ALDH3A2: variants seen among roughly 807,000 people sequenced by gnomAD.
ALDH3A2 encodes aldehyde dehydrogenase family 3 member A2.
Under a neutral mutation model 51.3 loss-of-function variants are expected in ALDH3A2, and 36 were observed. The observed-to-expected ratio is 0.70, with a 90% CI of 0.54 to 0.93. The LOEUF (loss-of-function observed/expected upper bound fraction) is 0.93. Ranked by LOEUF, ALDH3A2 falls within the 40% of genes least tolerant of loss-of-function variation. The probability of loss-of-function intolerance (pLI) is 0.00; values close to 1 mark genes in which losing one functional copy is unlikely to be tolerated. For missense variants in ALDH3A2, 552 were observed against 603.1 expected, an observed-to-expected ratio of 0.92 and a Z score of 0.89; for synonymous variants, 199 against 219.8, an observed-to-expected ratio of 0.91 and a Z score of 0.84.
In ALDH3A2 at chr17:19,648,869, C is replaced by G; in HGVS notation, c.-103C>G. On this transcript the variant is annotated 5_prime_UTR_variant, in exon 1 of 10. Transcript: ENST00000176643. ...GTGGGTTGACGGTGGAGACACCCCC[C>G]GGAGGGAGGCGGAGGGAAGGGAGGC... is the stretch of plus-strand genomic sequence containing the variant. 4 of 1,454,116 alleles carry G rather than the reference C, an allele frequency of 2.8e-6. No individual in the cohort carries two copies. The highest frequency in any genetic ancestry group is 3.7e-6 in the Non-Finnish European group (4 of 1,076,332). 90.1% of individuals were successfully genotyped at this position (1,454,116 alleles called of 1,614,324 possible).
chr17:19,655,915 C>T (rs186946645), intron 3 of ALDH3A2, among the ~76,000 whole-genome samples: 1 of 152,370 alleles, frequency 6.6e-6, no homozygotes, highest in Non-Finnish European at 1.5e-5. Context: ...GCGCTCTCAG[C>T]TACTGTGCCG....
chr17:19,664,543 T>C (rs1188164238), intron 7 of ALDH3A2, among the ~76,000 whole-genome samples: 3 of 152,234 alleles, frequency 2.0e-5, no homozygotes, highest in Non-Finnish European at 4.4e-5. Context: ...TAATACCTAT[T>C]AATCATGTGT....
Position 19,675,816 on chromosome 17 carries a change from C to G in ALDH3A2, c.*244C>G. On this transcript the variant is annotated 3_prime_UTR_variant, in exon 10 of 10. Coordinates refer to ENST00000176643, the MANE Select transcript of ALDH3A2 (RefSeq NM_000382.3). Reference sequence around the variant, plus strand: ...AATTGTGCTTATCTAAATCTTGGAACTTTGAGCTAGGGGAGGAGAATGTAT... The same window carrying G: ...AATTGTGCTTATCTAAATCTTGGAAGTTTGAGCTAGGGGAGGAGAATGTAT... 1 of 557,524 alleles carries G rather than the reference C, an allele frequency of 1.8e-6. No individual in the cohort carries two copies. Among genetic ancestry groups the G allele is most frequent in the Non-Finnish European group, 3.2e-6 (1 of 312,742 alleles). The allele number at this position is 557,524 out of a possible 1,614,324, so 34.5% of individuals were successfully genotyped here. A position where few individuals can be genotyped will look rare whatever the true frequency, so the allele number is the denominator to read the frequency against.
intron 4 of ALDH3A2, among the ~76,000 whole-genome samples, chr17:19,656,859 C>T (rs2084904365): frequency 6.6e-6 from 1 of 152,278 alleles, no homozygotes; most frequent in East Asian, 1.9e-4. Flanking sequence ...GAAATTTTAA[C>T]GTTCTTCTGG....
upstream of ALDH3A2, chr17:19,648,599 G>C (rs571225645): frequency 3.0e-3 from 739 of 244,030 alleles, 5 homozygotes; most frequent in Non-Finnish European, 4.2e-3. Flanking sequence ...GCCCGTGGCC[G>C]CGCTCGGCTC....
At position 19,656,564 on chromosome 17, in the gene ALDH3A2, A is replaced by G. The variant is rs145709210; in HGVS notation, c.670A>G (p.Ile224Val). The change falls in exon 4 of 10, where the codon ATT becomes GTT. Residue 224 changes from isoleucine to valine, a missense_variant. Coordinates refer to ENST00000176643, the MANE Select transcript of ALDH3A2 (RefSeq NM_000382.3). ...CYIDKDCDLD[I>V]VCRRITWGKY... ...TATTGATAAAGATTGTGACCTGGACATTGTTTGCAGGTGAGTCTGGCTCTC... is the reference window on the plus strand; with the variant it reads ...TATTGATAAAGATTGTGACCTGGACGTTGTTTGCAGGTGAGTCTGGCTCTC... 2.7e-5 allele frequency: 43 copies of G among 1,612,180 alleles called. No homozygotes were observed. In the African/African-American group the frequency reaches 4.1e-4, roughly 15 times the overall value.
chr17:19,672,688 A>G (rs1490646854), intron 9 of ALDH3A2, among the ~76,000 whole-genome samples: 3 of 152,154 alleles, frequency 2.0e-5, no homozygotes. Flanking sequence ...AATATTGACC[A>G]TATCAGTGAA....
Position 19,676,466 on chromosome 17 carries a change from C to G in ALDH3A2, c.*894C>G, listed in dbSNP as rs950061644. Reference sequence around the variant, plus strand: ...TCCAGGAATTTGAGACCAGCCTGGACAACACAGTGAGACCTCATCTCTATC... The same window carrying G: ...TCCAGGAATTTGAGACCAGCCTGGAGAACACAGTGAGACCTCATCTCTATC... On this transcript the variant is annotated 3_prime_UTR_variant, in exon 10 of 10. Coordinates refer to ENST00000176643, the MANE Select transcript of ALDH3A2 (RefSeq NM_000382.3). 2.6e-5 allele frequency: 4 copies of G among 152,254 alleles called. No individual in the cohort carries two copies. The highest frequency in any genetic ancestry group is 5.9e-5 in the Non-Finnish European group (4 of 68,128). 9.4% of individuals were successfully genotyped at this position (152,254 alleles called of 1,614,324 possible).
chr17:19,648,715 C>G (rs1428318925), upstream of ALDH3A2: 1 of 556,420 alleles, frequency 1.8e-6, no homozygotes. Flanking sequence ...ACGTGGGCCG[C>G]CCAGGCCAAT....
At position 19,652,541 on chromosome 17, in the gene ALDH3A2, A is replaced by C. The variant is rs117330764; in HGVS notation, c.386-6A>C. 4 of 1,609,248 alleles carry C rather than the reference A, an allele frequency of 2.5e-6. No individual in the cohort carries two copies. The highest frequency in any genetic ancestry group is 3.4e-6 in the Non-Finnish European group (4 of 1,175,830). On this transcript the variant is annotated splice_polypyrimidine_tract_variant and splice_region_variant and intron_variant, in intron 2 of 9. Coordinates refer to ENST00000176643, the MANE Select transcript of ALDH3A2 (RefSeq NM_000382.3). ...ATGATACTGTTCTACTTTTTACTTT[A>C]TTTAGGAAATGCTGTGATTATAAAG...
Position 19,671,892 on chromosome 17 carries a change from A to G in ALDH3A2, c.1379A>G (p.Asn460Ser), listed in dbSNP as rs2085119960. 1 of 1,614,192 alleles carries G rather than the reference A, an allele frequency of 6.2e-7. No homozygotes were observed. The highest frequency in any genetic ancestry group is 8.5e-7 in the Non-Finnish European group (1 of 1,180,038). Residue 460 changes from asparagine (N) to serine (S), a missense_variant, in exon 9 of 10, where the codon AAC (asparagine) becomes AGC (serine). Physicochemically the swap from Asn to Ser is conservative, Grantham distance 46. Coordinates refer to ENST00000176643, the MANE Select transcript of ALDH3A2 (RefSeq NM_000382.3). ...AAATTTTTTCTCTTGAAACGGTTCA[A>G]CAAAGAAAAACTCGGTCTCCTGTTG... ...WGKFFLLKRF[N>S]KEKLGLLLLT... is the part of the protein sequence containing the mutation.
intron 9 of ALDH3A2, chr17:19,673,173 G>A (rs1445445495): frequency 6.2e-7 from 1 of 1,614,068 alleles, no homozygotes; most frequent in African/African-American, 1.3e-5. Context: ...GTGCTGAGGA[G>A]AAAGGCCCTG....
chr17:19,654,412 G>C lies in ALDH3A2; in HGVS notation c.471+1780G>C, dbSNP rs1009090565. 1.3e-5 allele frequency among the ~76,000 whole-genome samples: 2 copies of C among 152,224 alleles called. No homozygotes were observed. The highest frequency in any genetic ancestry group is 1.5e-5 in the Non-Finnish European group (1 of 68,042). ...GGCAGCATGGGAACCCACCAGGGGC[G>C]GGGTGGGGGCCTTGGGCATGGCGGG... is the stretch of plus-strand genomic sequence containing the variant. On this transcript the variant is annotated intron_variant, in intron 3 of 9. Coordinates refer to ENST00000176643, the MANE Select transcript of ALDH3A2 (RefSeq NM_000382.3). The surrounding 1 kb of genome is among the most constrained non-coding windows in gnomAD (Gnocchi z 4.5).
At chr17:19,668,050 A>G (rs2085063248) in intron 8 of ALDH3A2, among the ~76,000 whole-genome samples, 1 of 151,914 alleles carries the variant, frequency 6.6e-6, no homozygotes, top group Non-Finnish European at 1.5e-5. Flanking sequence ...TACTCCTTTG[A>G]TTATTAGTGA....
At chr17:19,658,075 T>C (rs2084920552) in intron 5 of ALDH3A2, among the ~76,000 whole-genome samples, 1 of 152,250 alleles carries the variant, frequency 6.6e-6, no homozygotes, top group Non-Finnish European at 1.5e-5. Context: ...CTACTTAAAC[T>C]GTCTAGTTGA....
At chr17:19,660,445 T>C (rs542241923) in intron 5 of ALDH3A2, among the ~76,000 whole-genome samples, 1 of 152,216 alleles carries the variant, frequency 6.6e-6, no homozygotes, top group East Asian at 1.9e-4. Flanking sequence ...GGGATGAAAT[T>C]GGGAACTCTC....
Position 19,675,800 on chromosome 17 carries a change from T to A in ALDH3A2, c.*228T>A. 1.7e-6 allele frequency: 1 copy of A among 582,108 alleles called. No homozygotes were observed. The highest frequency in any genetic ancestry group is 3.0e-6 in the Non-Finnish European group (1 of 328,642). 36.1% of individuals were successfully genotyped at this position (582,108 alleles called of 1,614,324 possible). ...CAGGGAACCTGTCTTAAATTGTGCTTATCTAAATCTTGGAACTTTGAGCTA... is the reference window on the plus strand; with the variant it reads ...CAGGGAACCTGTCTTAAATTGTGCTAATCTAAATCTTGGAACTTTGAGCTA... On this transcript the variant is annotated 3_prime_UTR_variant, in exon 10 of 10. Transcript: ENST00000176643.
At chr17:19,672,146 C>T (rs1413775211) in intron 9 of ALDH3A2, among the ~76,000 whole-genome samples, 190 bp downstream of exon 9, 2 of 152,204 alleles carry the variant, frequency 1.3e-5, no homozygotes, top group Non-Finnish European at 2.9e-5. Flanking sequence ...CTTGTTTAAT[C>T]ATCCACAGCT....
chr17:19,663,898 G>C (rs2085001487), intron 7 of ALDH3A2, among the ~76,000 whole-genome samples: 1 of 152,196 alleles, frequency 6.6e-6, no homozygotes, highest in African/African-American at 2.4e-5. Context: ...CAAAGACCCC[G>C]ACACTGTCAC....
Sources: allele counts gnomAD v4.1 joint callset (sites outside exome capture counted in the v4.1 genomes callset), GRCh38; gene constraint gnomAD v4.1.1; non-coding constraint Gnocchi (gnomAD v3.1); transcripts MANE v1.5; gene names NCBI Gene and HGNC (gene_info 2026-07-23, HGNC 2026-07-21).